Variants in FOXP4 observed in about 807,000 individuals in gnomAD.
FOXP4 encodes the protein forkhead box P4, also known as forkhead box protein P4.
Under a neutral mutation model 82.6 loss-of-function variants are expected in FOXP4, and 25 were observed. That is an observed-to-expected ratio of 0.30 (90% CI 0.22 to 0.42). FOXP4 has a LOEUF of 0.42. Among genes scored for constraint, FOXP4 ranks in the 10% least tolerant of loss-of-function variants. The probability of loss-of-function intolerance (pLI) is 1.00; values close to 1 mark genes in which losing one functional copy is unlikely to be tolerated. For missense variants in FOXP4, 785 were observed against 900.9 expected (o/e 0.87, Z 1.65); for synonymous variants, 415 against 388.2 (o/e 1.07, Z -0.81).
Position 41,591,126 on chromosome 6 carries a change from C to A in FOXP4, c.1435-95C>A. On this transcript the variant is annotated intron_variant, in intron 12 of 16. Transcript: ENST00000307972. The surrounding 1 kb of genome is among the most constrained non-coding windows in gnomAD (Gnocchi z 4.2). ...GTCTTCTCACAAAGTGAACTCGGGG[C>A]TAGGCAGAAGGGAGAGGTACTGGGG... is the stretch of plus-strand genomic sequence containing the variant. The A allele has an allele frequency of 1.0e-6, 1 of 977,038 alleles. No homozygotes were observed. Among genetic ancestry groups the A allele is most frequent in the Non-Finnish European group, 1.6e-6 (1 of 629,242 alleles). The allele number at this position is 977,038 out of a possible 1,614,324, so 60.5% of individuals were successfully genotyped here. A position where few individuals can be genotyped will look rare whatever the true frequency, so the allele number is the denominator to read the frequency against.
Position 41,577,894 on chromosome 6 carries a change from G to A in FOXP4, c.205-92G>A, listed in dbSNP as rs530346742. On this transcript the variant is annotated intron_variant, in intron 2 of 16. Coordinates refer to ENST00000307972, the MANE Select transcript of FOXP4 (RefSeq NM_001012426.2). ...CCCCCAAGACCTTCCACCTTACCCT[G>A]ATCTCCTTCTCCTTACTGCCCCAAA... 95 of 881,828 alleles carry A rather than the reference G, an allele frequency of 1.1e-4. No homozygotes were observed. In the East Asian group the frequency reaches 2.4e-3, roughly 22 times the overall value. 54.6% of individuals were successfully genotyped at this position (881,828 alleles called of 1,614,324 possible). A position where few individuals can be genotyped will look rare whatever the true frequency, so the allele number is the denominator to read the frequency against.
At chr6:41,590,412 C>T (rs1191093445) in intron 12 of FOXP4, 65 bp downstream of exon 12, 1 of 1,542,444 alleles carries the variant, frequency 6.5e-7, no homozygotes, top group African/African-American at 1.4e-5. Flanking sequence ...GCCCCCGCCA[C>T]ACCCCTGCCT....
chr6:41,568,308 T>G lies in FOXP4; in HGVS notation c.204+2344T>G, dbSNP rs544678074. ...TTGTTATCTCACCATCCCTGCAAGG[T>G]GGATATTATTATTCCAGTTTCACAG... On this transcript the variant is annotated intron_variant, in intron 2 of 16. Coordinates refer to ENST00000307972, the MANE Select transcript of FOXP4 (RefSeq NM_001012426.2). 2.6e-5 allele frequency among the ~76,000 whole-genome samples: 4 copies of G among 152,274 alleles called. No individual in the cohort carries two copies. In the East Asian group the frequency reaches 7.7e-4, roughly 29 times the overall value.
intron 9 of FOXP4, 95 bp downstream of exon 9, chr6:41,588,826 C>A: frequency 7.3e-7 from 1 of 1,364,614 alleles, no homozygotes; most frequent in Non-Finnish European, 1.0e-6. Context: ...TTGGGAGGGT[C>A]TCATGGAAGG....
chr6:41,594,610 G>A (rs1217539114), intron 13 of FOXP4, among the ~76,000 whole-genome samples: 1 of 152,220 alleles, frequency 6.6e-6, no homozygotes. Context: ...AACTTTCCAA[G>A]ATGTGGCAGG....
intron 1 of FOXP4, among the ~76,000 whole-genome samples, chr6:41,549,328 A>C (rs1176946477): frequency 6.6e-6 from 1 of 152,102 alleles, no homozygotes; most frequent in Non-Finnish European, 1.5e-5. Context: ...GGAGAACGCC[A>C]GGGCCAGAGC....
chr6:41,560,666 G>A (rs1764522275), intron 1 of FOXP4, among the ~76,000 whole-genome samples: 1 of 152,238 alleles, frequency 6.6e-6, no homozygotes, highest in Admixed American at 6.5e-5. Context: ...TCGCAGAGGT[G>A]TTAATTGGAA....
chr6:41,594,976 C>T lies in FOXP4; in HGVS notation c.1643C>T (p.Pro548Leu), dbSNP rs767633870. Residue 548 changes from proline (P) to leucine (L), a missense_variant, in exon 14 of 17, where the codon CCG (proline) becomes CTG (leucine). Pro to Leu is a moderately conservative substitution (Grantham distance 98). Transcript: ENST00000307972. ...VDEREYQKRR[P>L]PKMTGSPTLV... is the part of the protein sequence containing the mutation. ...GAGCGGGAGTATCAGAAGCGGAGACCGCCAAAGATGACAGGGTATGTGGGT... is the reference window on the plus strand; with the variant it reads ...GAGCGGGAGTATCAGAAGCGGAGACTGCCAAAGATGACAGGGTATGTGGGT... 1.9e-5 allele frequency: 30 copies of T among 1,613,948 alleles called. No homozygotes were observed. The highest frequency in any genetic ancestry group is 6.6e-5 in the South Asian group (6 of 91,078).
In FOXP4 at chr6:41,587,957, C is replaced by T. The variant is rs1366752649; in HGVS notation, c.977+60C>T. 1.0e-5 allele frequency: 9 copies of T among 881,038 alleles called. No homozygotes were observed. The Admixed American group carries it at 1.2e-4, about 12-fold the overall frequency. 54.6% of individuals were successfully genotyped at this position (881,038 alleles called of 1,614,324 possible). Reference sequence around the variant, plus strand: ...TTTCCCCACAGGGCCTCTCCCCCAACCCTGCCCACTAGCTTGCCCCTTCTG... The same window carrying T: ...TTTCCCCACAGGGCCTCTCCCCCAATCCTGCCCACTAGCTTGCCCCTTCTG... On this transcript the variant is annotated intron_variant, in intron 8 of 16. Coordinates refer to ENST00000307972, the MANE Select transcript of FOXP4 (RefSeq NM_001012426.2).
rs755365713 is a variant in FOXP4, at chr6:41,597,938, C to A, written c.1883C>A (p.Pro628Gln). The A allele has an allele frequency of 1.3e-6, 2 of 1,547,104 alleles. No individual in the cohort carries two copies. Among genetic ancestry groups the A allele is most frequent in the East Asian group, 2.4e-5 (1 of 42,016 alleles). The change falls in exon 16 of 17, where the codon CCG becomes CAG. Residue 628 changes from proline (P) to glutamine (Q), a missense_variant. Coordinates refer to ENST00000307972, the MANE Select transcript of FOXP4 (RefSeq NM_001012426.2). Reference sequence around the variant, plus strand: ...AGCAGCAGCCCTCCTCGCCTCTCCCCGCCCCAGTACAGGTGAGCACACAGC... The same window carrying A: ...AGCAGCAGCCCTCCTCGCCTCTCCCAGCCCCAGTACAGGTGAGCACACAGC... The part of the protein sequence containing the change: ...NGSSSPPRLS[P>Q]PQYSHQVQVK...
At chr6:41,578,904 A>T (rs947364745) in intron 3 of FOXP4, among the ~76,000 whole-genome samples, 4 of 152,010 alleles carry the variant, frequency 2.6e-5, no homozygotes, top group African/African-American at 9.7e-5. Flanking sequence ...TGGGGAAGGG[A>T]TTAAGCCAGG....
chr6:41,560,748 C>T lies in FOXP4; in HGVS notation c.-16-4997C>T, dbSNP rs1273798498. On this transcript the variant is annotated intron_variant, in intron 1 of 16. Coordinates refer to ENST00000307972, the MANE Select transcript of FOXP4 (RefSeq NM_001012426.2). ...TTAATTGATGAGTTGGCAGGGCGGG[C>T]GGTGCGGGTTCGCGGCGAGGCGCAG... Among the ~76,000 whole-genome samples, 4 of 150,856 alleles carry T rather than the reference C, an allele frequency of 2.7e-5. No individual in the cohort carries two copies. The East Asian group carries it at 8.2e-4, about 31-fold the overall frequency.
chr6:41,549,676 G>C (rs1763885439), intron 1 of FOXP4, among the ~76,000 whole-genome samples: 1 of 150,944 alleles, frequency 6.6e-6, no homozygotes, highest in Non-Finnish European at 1.5e-5. Flanking sequence ...GTGAAGGCTG[G>C]GGTCTGCTGT....
At chr6:41,578,707 G>T (rs960633682) in intron 3 of FOXP4, among the ~76,000 whole-genome samples, 4 of 136,874 alleles carry the variant, frequency 2.9e-5, no homozygotes, top group African/African-American at 1.0e-4. Flanking sequence ...GGAGATCTGT[G>T]GGGGGTGGGC....
chr6:41,559,430 G>C (rs1248697247), intron 1 of FOXP4, among the ~76,000 whole-genome samples: 1 of 152,220 alleles, frequency 6.6e-6, no homozygotes, highest in African/African-American at 2.4e-5. Flanking sequence ...CTGGAGGAGA[G>C]AGAAGCATGA....
intron 2 of FOXP4, among the ~76,000 whole-genome samples, chr6:41,576,665 G>A (rs913481805): frequency 5.9e-5 from 9 of 152,320 alleles, no homozygotes; most frequent in African/African-American, 1.9e-4. Flanking sequence ...GCCGAAGGGA[G>A]TGAATACTTC....
rs73733288 is a variant in FOXP4 at position 41,602,187 on chromosome 6, G to A, written c.*3251G>A. On this transcript the variant is annotated 3_prime_UTR_variant, in exon 17 of 17. Transcript: ENST00000307972. ...AATTCCCTGTCCCCCATGGTACCTCGAGAGGGGCTGGGGAGCTCAGCTTGG... is the reference window on the plus strand; with the variant it reads ...AATTCCCTGTCCCCCATGGTACCTCAAGAGGGGCTGGGGAGCTCAGCTTGG... 2.0e-4 allele frequency: 30 copies of A among 152,262 alleles called. No individual in the cohort carries two copies. The highest frequency in any genetic ancestry group is 7.0e-4 in the African/African-American group (29 of 41,526). 9.4% of individuals were successfully genotyped at this position (152,262 alleles called of 1,614,324 possible).
chr6:41,565,200 C>T (rs1764803640), intron 1 of FOXP4, among the ~76,000 whole-genome samples: 2 of 152,020 alleles, frequency 1.3e-5, no homozygotes, highest in Admixed American at 6.6e-5. Context: ...TAAAAATACA[C>T]ACACAAAAAT....
In FOXP4 at chr6:41,555,820, G is replaced by T. The variant is rs139738238; in HGVS notation, c.-17+8953G>T. On this transcript the variant is annotated intron_variant, in intron 1 of 16. Transcript: ENST00000307972. The stretch of plus-strand genomic sequence containing the variant: ...GGTGTTGTGGACATGCTGTAGTTAA[G>T]CGGAGTAATCTAATTTGCATTAGTA... Among the ~76,000 whole-genome samples, 14 of 152,316 alleles carry T rather than the reference G, an allele frequency of 9.2e-5. 2 individuals are homozygous for T. The East Asian group carries it at 2.7e-3, about 29-fold the overall frequency.
Sources: allele counts gnomAD v4.1 joint callset (sites outside exome capture counted in the v4.1 genomes callset), GRCh38; gene constraint gnomAD v4.1.1; non-coding constraint Gnocchi (gnomAD v3.1); transcripts MANE v1.5; gene names NCBI Gene and HGNC (gene_info 2026-07-23, HGNC 2026-07-21).